PLEKHA8: variants seen among roughly 807,000 people sequenced by gnomAD.
PLEKHA8 encodes pleckstrin homology domain-containing family A member 8.
PLEKHA8 carries 36 observed loss-of-function variants against 68.2 expected under a neutral mutation model. The ratio of observed to expected loss-of-function variants is 0.53; its 90% CI spans 0.40 to 0.70. The LOEUF is 0.70. Among genes scored for constraint, PLEKHA8 ranks in the 30% least tolerant of loss-of-function variants. The pLI is 0.00. For missense variants in PLEKHA8, 505 were observed against 615.4 expected (o/e 0.82, Z 1.90); for synonymous variants, 211 against 216.1 (o/e 0.98, Z 0.20).
intron 13 of PLEKHA8, among the ~76,000 whole-genome samples, chr7:30,115,635 T>C (rs114164533): frequency 0.035 from 5,284 of 151,726 alleles, 272 homozygotes; most frequent in African/African-American, 0.1. Flanking sequence ...CATGTACACA[T>C]ACATGCACAC....
rs987781871 is a variant in PLEKHA8, at chr7:30,081,027, C to T, written c.*2240C>T. On this transcript the variant is annotated 3_prime_UTR_variant, in exon 14 of 14. Coordinates refer to ENST00000449726, the MANE Select transcript of PLEKHA8 (RefSeq NM_001197026.2). ...TGGAGAGGTAGCACTCTGAAAATAC[C>T]TCAGGTTTGCCACCGCAACTCTGAA... 2 of 985,304 alleles carry T rather than the reference C, an allele frequency of 2.0e-6. No homozygotes were observed. The highest frequency in any genetic ancestry group is 2.4e-6 in the Non-Finnish European group (2 of 829,904). The allele number at this position is 985,304 out of a possible 1,614,324, so 61.0% of individuals were successfully genotyped here.
rs533857558 is a variant in PLEKHA8 at position 30,058,355 on chromosome 7, T to C, written c.1040-2529T>C. Among the ~76,000 whole-genome samples, 9 of 152,160 alleles carry C rather than the reference T, an allele frequency of 5.9e-5. No homozygotes were observed. In the South Asian group the frequency reaches 1.5e-3, roughly 25 times the overall value. On this transcript the variant is annotated intron_variant, in intron 9 of 13. Transcript: ENST00000449726. ...TAGTGTCTTAAGAAATCTTTACCTATCCCAAAGGTCATGAAGATATTCTGT... is the reference window on the plus strand; with the variant it reads ...TAGTGTCTTAAGAAATCTTTACCTACCCCAAAGGTCATGAAGATATTCTGT...
intron 13 of PLEKHA8, among the ~76,000 whole-genome samples, chr7:30,115,063 C>T (rs1436975337): frequency 6.6e-6 from 1 of 152,178 alleles, no homozygotes; most frequent in African/African-American, 2.4e-5. Context: ...CCAGCTGTGG[C>T]AGCATCCCAC....
At position 30,060,954 on chromosome 7, in the gene PLEKHA8, G is replaced by C. The variant is rs754015872; in HGVS notation, c.1098+12G>C. On this transcript the variant is annotated intron_variant, in intron 10 of 13. Transcript: ENST00000449726. ...TTGGAAATATTAAGGTGAGCATACT[G>C]GTTTGTCTCTGTGGAAACTTTTAAA... The C allele has an allele frequency of 1.9e-6, 3 of 1,611,418 alleles. No individual in the cohort carries two copies. In the African/African-American group the frequency reaches 4.0e-5, roughly 22 times the overall value.
At chr7:30,060,717 GATGGTA>G (rs1480458011) in intron 9 of PLEKHA8, among the ~76,000 whole-genome samples, 161 bp from the exon 10 acceptor site, 1 of 152,174 alleles carries the variant, frequency 6.6e-6, no homozygotes, top group Non-Finnish European at 1.5e-5. Flanking sequence ...AATAGAAAAA[GATGGTA>G]ATAGTATCCT....
chr7:30,056,758 TG>T (rs1792998808), intron 9 of PLEKHA8, among the ~76,000 whole-genome samples: 1 of 125,270 alleles, frequency 8.0e-6, no homozygotes, highest in Non-Finnish European at 1.6e-5. Context: ...TGTGTGTGTG[TG>T]TGTGTGTGTG....
chr7:30,033,331 A>G (rs544997835), intron 1 of PLEKHA8, among the ~76,000 whole-genome samples: 115 of 152,334 alleles, frequency 7.5e-4, no homozygotes, highest in African/African-American at 2.4e-3. Context: ...ACTGTTGGCA[A>G]CCACTAATCT....
chr7:30,054,886 T>G, intron 8 of PLEKHA8, 21 bp downstream of exon 8: 2 of 1,571,514 alleles, frequency 1.3e-6, no homozygotes, highest in Non-Finnish European at 1.7e-6. Context: ...CTCTTTAATA[T>G]CACTGATGCT....
chr7:30,119,042 G>A lies in PLEKHA8; in HGVS notation c.1363-10224G>A, dbSNP rs563980639. 2.8e-4 allele frequency among the ~76,000 whole-genome samples: 43 copies of A among 152,310 alleles called. No homozygotes were observed. In the South Asian group the frequency reaches 4.1e-3, roughly 15 times the overall value. ...ATGGTGGCCTGAGGGGCATTGGCCCGTGGTACAGACATGACTGCTGTGGGT... is the reference window on the plus strand; with the variant it reads ...ATGGTGGCCTGAGGGGCATTGGCCCATGGTACAGACATGACTGCTGTGGGT... On this transcript the variant is annotated intron_variant, in intron 13 of 13. Coordinates refer to the PLEKHA8 transcript ENST00000396257.
At chr7:30,052,492 C>T (rs929464946) in intron 6 of PLEKHA8, among the ~76,000 whole-genome samples, 7 of 151,856 alleles carry the variant, frequency 4.6e-5, no homozygotes, top group Admixed American at 6.6e-5. Flanking sequence ...AGAAATTAGC[C>T]GGGCATGGTG....
intron 5 of PLEKHA8, among the ~76,000 whole-genome samples, chr7:30,050,124 G>A (rs1361375285): frequency 6.6e-6 from 1 of 152,170 alleles, no homozygotes; most frequent in African/African-American, 2.4e-5. Flanking sequence ...GCTTATTAAT[G>A]TTTAATGAGC....
At chr7:30,104,223 CAT>C (rs1424525330) in intron 13 of PLEKHA8, among the ~76,000 whole-genome samples, 10 of 152,146 alleles carry the variant, frequency 6.6e-5, no homozygotes, top group African/African-American at 2.4e-4. Context: ...CTGGAATTAC[CAT>C]ATGTTGCTAG....
intron 4 of PLEKHA8, 34 bp from the exon 5 acceptor site, chr7:30,049,190 G>A (rs750735305): frequency 2.0e-5 from 32 of 1,612,674 alleles, no homozygotes; most frequent in Admixed American, 3.3e-5. Flanking sequence ...TTTTTGGCAA[G>A]GTAAAGGAGT....
rs144496384 is a variant in PLEKHA8 at position 30,077,610 on chromosome 7, G to C, written c.1363-980G>C. ...CCTCAAACTGGTATGTGAAAGATCT[G>C]AGATTCAAGTCCAGGTCTGCTTCAT... On this transcript the variant is annotated intron_variant, in intron 13 of 13. Transcript: ENST00000449726. 5.3e-5 allele frequency among the ~76,000 whole-genome samples: 8 copies of C among 152,286 alleles called. No individual in the cohort carries two copies. The East Asian group carries it at 1.5e-3, about 29-fold the overall frequency.
At position 30,081,768 on chromosome 7, in the gene PLEKHA8, T is replaced by C. The variant is rs992290472; in HGVS notation, c.*2981T>C. The stretch of plus-strand genomic sequence containing the variant: ...GTATTGTAGACACAAATAAGTAACA[T>C]TAGGCTAACCCCTTATGAGACATTT... On this transcript the variant is annotated 3_prime_UTR_variant, in exon 14 of 14. Coordinates refer to ENST00000449726, the MANE Select transcript of PLEKHA8 (RefSeq NM_001197026.2). 1.0e-6 allele frequency: 1 copy of C among 985,392 alleles called. No individual in the cohort carries two copies. Among genetic ancestry groups the C allele is most frequent in the Non-Finnish European group, 1.2e-6 (1 of 829,902 alleles). The allele number at this position is 985,392 out of a possible 1,614,324, so 61.0% of individuals were successfully genotyped here.
At chr7:30,050,022 T>C (rs1412928474) in intron 5 of PLEKHA8, among the ~76,000 whole-genome samples, 1 of 152,216 alleles carries the variant, frequency 6.6e-6, no homozygotes, top group Non-Finnish European at 1.5e-5. Flanking sequence ...ATATTCCTTG[T>C]TTTGTACTGA....
chr7:30,124,913 A>C (rs538626929), intron 13 of PLEKHA8, among the ~76,000 whole-genome samples: 33 of 152,060 alleles, frequency 2.2e-4, no homozygotes, highest in Non-Finnish European at 3.8e-4. Flanking sequence ...TTGTTCTCCC[A>C]AAAAAATTAG....
intron 13 of PLEKHA8, among the ~76,000 whole-genome samples, chr7:30,116,206 A>G (rs1583488040): frequency 1.3e-5 from 2 of 150,850 alleles, no homozygotes; most frequent in South Asian, 4.2e-4. Flanking sequence ...ACACGTATAC[A>G]TGTATACATA....
intron 12 of PLEKHA8, among the ~76,000 whole-genome samples, chr7:30,071,169 A>G (rs1794211618): frequency 6.6e-6 from 1 of 152,180 alleles, no homozygotes; most frequent in South Asian, 2.1e-4. Flanking sequence ...ATCAATCATG[A>G]AACCCAAAAA....
Sources: allele counts gnomAD v4.1 joint callset (sites outside exome capture counted in the v4.1 genomes callset), GRCh38; gene constraint gnomAD v4.1.1; transcripts MANE v1.5; gene names NCBI Gene and HGNC (gene_info 2026-07-23, HGNC 2026-07-21).